NUP210: variants seen among roughly 807,000 people sequenced by gnomAD.
NUP210 encodes nuclear pore membrane glycoprotein 210.
In NUP210, 151 loss-of-function variants were observed where a neutral mutation model predicts 196.0. The observed-to-expected ratio is 0.77, with a 90% CI of 0.67 to 0.88. The LOEUF (loss-of-function observed/expected upper bound fraction) is 0.88. Among genes scored for constraint, NUP210 ranks in the 40% least tolerant of loss-of-function variants. The probability of loss-of-function intolerance (pLI) is 0.00; values close to 1 mark genes in which losing one functional copy is unlikely to be tolerated. For missense variants in NUP210, 2,314 were observed against 2,493.7 expected (o/e 0.93, Z 1.53); for synonymous variants, 1,070 against 1,052.7 (o/e 1.02, Z -0.32).
intron 31 of NUP210, among the ~76,000 whole-genome samples, chr3:13,328,139 G>A (rs1470528067): frequency 6.6e-6 from 1 of 152,244 alleles, no homozygotes. Flanking sequence ...AGGGCTGGGA[G>A]AACTGGGCTC....
At chr3:13,384,396 TCA>T (rs560524016) in intron 6 of NUP210, among the ~76,000 whole-genome samples, 13 of 152,326 alleles carry the variant, frequency 8.5e-5, no homozygotes, top group Non-Finnish European at 1.8e-4. Context: ...CTTCTATGCC[TCA>T]GTTTTCCTCA....
intron 1 of NUP210, among the ~76,000 whole-genome samples, chr3:13,410,179 C>CCTTTTT (rs1187552745): frequency 1.4e-5 from 2 of 144,066 alleles, no homozygotes; most frequent in Admixed American, 7.0e-5. Context: ...ATTTTTTTTT[C>CCTTTTT]CTTTTTCTTT....
At chr3:13,401,661 C>T (rs1458312054) in intron 1 of NUP210, among the ~76,000 whole-genome samples, 2 of 152,172 alleles carry the variant, frequency 1.3e-5, no homozygotes, top group African/African-American at 4.8e-5. Context: ...ACACTCCGTC[C>T]AACCATCCAA....
chr3:13,418,741 T>A (rs1472603507), intron 1 of NUP210, among the ~76,000 whole-genome samples: 3 of 151,250 alleles, frequency 2.0e-5, no homozygotes, highest in Non-Finnish European at 2.9e-5. Flanking sequence ...TGGACAGAGA[T>A]CGCGCCATTG....
At chr3:13,367,459 T>G (rs1214794366) in intron 13 of NUP210, among the ~76,000 whole-genome samples, 1 of 152,090 alleles carries the variant, frequency 6.6e-6, no homozygotes, top group Admixed American at 6.6e-5. Context: ...TAATATTTAA[T>G]TCACATGAGT....
intron 30 of NUP210, 46 bp downstream of exon 30, chr3:13,330,414 T>G (rs768084625): frequency 1.9e-6 from 3 of 1,572,572 alleles, no homozygotes; most frequent in Non-Finnish European, 2.6e-6. Flanking sequence ...ATTACCTCAG[T>G]GCTATTGCTT....
At position 13,338,763 on chromosome 3, in the gene NUP210, C is replaced by T. The variant is rs1332223393; in HGVS notation, c.3472-846G>A. ...CTCAGAACATGCCTTTCAGATAGGG[C>T]TCGTGGTGCAGCCCCTCCACCTGCC... On this transcript the variant is annotated intron_variant, in intron 25 of 39. Transcript: ENST00000254508. 3.3e-5 allele frequency among the ~76,000 whole-genome samples: 5 copies of T among 152,208 alleles called. No individual in the cohort carries two copies. The East Asian group carries it at 9.6e-4, about 29-fold the overall frequency.
Position 13,375,588 on chromosome 3 carries a change from TTCCACC to T in NUP210, c.1341_1346del (p.Val448_Glu449del), listed in dbSNP as rs1216094384. The T allele has an allele frequency of 1.2e-6, 2 of 1,614,104 alleles. No individual in the cohort carries two copies. Among genetic ancestry groups the T allele is most frequent in the South Asian group, 2.2e-5 (2 of 91,082 alleles). ...GATACAGGGTGATCGGGATGTGAAT[TTCCACC>T]TCCTGCTGGTTCCACACAGGCACCT... On this transcript the variant is annotated inframe_deletion, in exon 11 of 40. Coordinates refer to ENST00000254508, the MANE Select transcript of NUP210 (RefSeq NM_024923.4).
chr3:13,419,365 T>C (rs923475967), intron 1 of NUP210, among the ~76,000 whole-genome samples: 1 of 152,034 alleles, frequency 6.6e-6, no homozygotes, highest in African/African-American at 2.4e-5. Flanking sequence ...CGGTCTCTGG[T>C]TTCATGGGTC....
intron 1 of NUP210, among the ~76,000 whole-genome samples, chr3:13,409,042 C>T (rs1456049100): frequency 1.3e-5 from 2 of 152,134 alleles, no homozygotes; most frequent in Non-Finnish European, 2.9e-5. Flanking sequence ...ACACCAGCTC[C>T]CCTGTAAGTC....
intron 20 of NUP210, among the ~76,000 whole-genome samples, chr3:13,349,063 T>C (rs188375534): frequency 9.5e-6 from 1 of 105,084 alleles, no homozygotes; most frequent in African/African-American, 6.5e-5. Context: ...GACTTCCCCA[T>C]GAAACATACA....
chr3:13,391,214 A>T lies in NUP210; in HGVS notation c.530T>A (p.Leu177Gln). 1.2e-6 allele frequency: 2 copies of T among 1,608,092 alleles called. No homozygotes were observed. The highest frequency in any genetic ancestry group is 1.7e-6 in the Non-Finnish European group (2 of 1,175,752). Residue 177 changes from leucine to glutamine, a missense_variant, in exon 4 of 40, where the codon CTG becomes CAG. Physicochemically the swap from Leu to Gln is moderately radical, Grantham distance 113 (BLOSUM62 -2). Transcript: ENST00000254508. Reference sequence around the variant, plus strand: ...GCCTAGCAGAGGCACCCCTTACCGCAGCGCATTGTGGGAGTCTGAGAACCT... The same window carrying T: ...GCCTAGCAGAGGCACCCCTTACCGCTGCGCATTGTGGGAGTCTGAGAACCT... ...ADRFSDSHNA[L>Q]RILTFLESTY...
At chr3:13,380,571 A>T (rs1322570221) in intron 6 of NUP210, among the ~76,000 whole-genome samples, 2 of 151,790 alleles carry the variant, frequency 1.3e-5, no homozygotes, top group African/African-American at 4.8e-5. Flanking sequence ...TTTCACATTC[A>T]CTCTCCTAAG....
chr3:13,375,278 C>T (rs191381664), intron 11 of NUP210, among the ~76,000 whole-genome samples: 3 of 151,880 alleles, frequency 2.0e-5, no homozygotes, highest in Admixed American at 1.3e-4. Flanking sequence ...TGTTAGCCAC[C>T]GCACCCTGCC....
chr3:13,379,386 C>A lies in NUP210; in HGVS notation c.976+177G>T, dbSNP rs927313106. The stretch of plus-strand genomic sequence containing the variant: ...ACCGCTGGGAGCCTCTGGGGTGAGT[C>A]ACCCACAGCCGTGAGCAATTCCACT... On this transcript the variant is annotated intron_variant, in intron 7 of 39. Transcript: ENST00000254508. This position sits in a 1 kb window ranked among gnomAD's most constrained non-coding sequence, Gnocchi z 4.2. Among the ~76,000 whole-genome samples, 7 of 152,156 alleles carry A rather than the reference C, an allele frequency of 4.6e-5. No homozygotes were observed. Among genetic ancestry groups the A allele is most frequent in the African/African-American group, 1.7e-4 (7 of 41,444 alleles).
At chr3:13,320,018 G>T (rs1177739885) in intron 36 of NUP210, 39 bp from the exon 37 acceptor site, 1 of 1,584,748 alleles carries the variant, frequency 6.3e-7, no homozygotes, top group South Asian at 1.1e-5. Context: ...ACATTCTGCA[G>T]AGTGGGGGGA....
At chr3:13,338,782 A>G (rs976540148) in intron 25 of NUP210, among the ~76,000 whole-genome samples, 6 of 152,072 alleles carry the variant, frequency 3.9e-5, no homozygotes, top group Non-Finnish European at 8.8e-5. Flanking sequence ...CAGCCCCTCC[A>G]CCTGCCAAGG....
rs150244996 is a variant in NUP210, at chr3:13,347,488, CTG to C, written c.2836-4187_2836-4186del. ...AAGGCCCTTACAGAGCGTTCTGGGGCTGTGTGAGCAAAATTCATCACGGCCCT... is the reference window on the plus strand; with the variant it reads ...AAGGCCCTTACAGAGCGTTCTGGGGCTGTGAGCAAAATTCATCACGGCCCT... On this transcript the variant is annotated intron_variant, in intron 20 of 39. Transcript: ENST00000254508. The surrounding 1 kb of genome is among the most constrained non-coding windows in gnomAD (Gnocchi z 4.7). 261 of 228,686 alleles carry C rather than the reference CTG, an allele frequency of 1.1e-3. 1 individual carries two copies. Among genetic ancestry groups the C allele is most frequent in the African/African-American group, 5.8e-3 (248 of 42,810 alleles). The allele number at this position is 228,686 out of a possible 1,614,324, so 14.2% of individuals were successfully genotyped here.
At chr3:13,382,984 A>T (rs1055840723) in intron 6 of NUP210, among the ~76,000 whole-genome samples, 182 of 146,630 alleles carry the variant, frequency 1.2e-3, no homozygotes, top group Middle Eastern at 3.5e-3. Context: ...CATCTCTATT[A>T]AAAAAAAAAA....
Sources: allele counts gnomAD v4.1 joint callset (sites outside exome capture counted in the v4.1 genomes callset), GRCh38; gene constraint gnomAD v4.1.1; non-coding constraint Gnocchi (gnomAD v3.1); transcripts MANE v1.5; gene names NCBI Gene and HGNC (gene_info 2026-07-23, HGNC 2026-07-21).